The following ATP11A variants were observed in gnomAD, a reference collection of about 807,000 sequenced individuals.
The protein encoded by ATP11A is ATPase phospholipid transporting 11A.
ATP11A carries 81 observed loss-of-function variants against 154.4 expected under a neutral mutation model. The observed-to-expected ratio is 0.52, with a 90% CI of 0.44 to 0.63. The LOEUF (loss-of-function observed/expected upper bound fraction) is 0.63. Among genes scored for constraint, ATP11A ranks in the 30% least tolerant of loss-of-function variants. ATP11A has a pLI of 0.00. For synonymous variants in ATP11A, 623 were observed against 585.9 expected (o/e 1.06, Z -0.91); for missense variants, 1,316 against 1,474.3 (o/e 0.89, Z 1.76).
intron 1 of ATP11A, among the ~76,000 whole-genome samples, chr13:112,784,616 G>C (rs1477887668): frequency 6.6e-6 from 1 of 150,602 alleles, no homozygotes; most frequent in South Asian, 2.1e-4. Flanking sequence ...TCCACCTCCC[G>C]GGTTCACGCC....
At position 112,779,136 on chromosome 13, in the gene ATP11A, G is replaced by A. The variant is rs530995452; in HGVS notation, c.40-5999G>A. On this transcript the variant is annotated intron_variant, in intron 1 of 29. Coordinates refer to ENST00000375645, the MANE Select transcript of ATP11A (RefSeq NM_015205.3). ...GCCACTGGAGTGAGTAGCCGCTGGAGTGAGTAGCCGCTGGAGTGAGGAGTA... is the reference window on the plus strand; with the variant it reads ...GCCACTGGAGTGAGTAGCCGCTGGAATGAGTAGCCGCTGGAGTGAGGAGTA... 1.4e-4 allele frequency among the ~76,000 whole-genome samples: 17 copies of A among 123,304 alleles called. No homozygotes were observed. The South Asian group carries it at 4.8e-3, about 35-fold the overall frequency. The allele number at this position is 123,304 out of a possible 152,430, so 80.9% of individuals were successfully genotyped here.
chr13:112,871,862 C>T, intron 26 of ATP11A, 62 bp downstream of exon 26: 2 of 1,491,386 alleles, frequency 1.3e-6, no homozygotes, highest in Non-Finnish European at 1.9e-6. Flanking sequence ...GTGTAGGCCT[C>T]ACGCGCTCTG....
In ATP11A at chr13:112,825,588, G is replaced by C; in HGVS notation, c.1023+8G>C. 1 of 1,610,618 alleles carries C rather than the reference G, an allele frequency of 6.2e-7. No homozygotes were observed. The highest frequency in any genetic ancestry group is 8.5e-7 in the Non-Finnish European group (1 of 1,178,678). ...GAAAGGCAGAGGAATCTGGTATGGA[G>C]AATCACTGCCCTTGTATGATCCGAG... On this transcript the variant is annotated splice_region_variant and intron_variant, in intron 11 of 29. Transcript: ENST00000375645.
At chr13:112,831,986 GCA>G (rs766313733) in intron 13 of ATP11A, among the ~76,000 whole-genome samples, 21 of 150,196 alleles carry the variant, frequency 1.4e-4, no homozygotes, top group African/African-American at 3.2e-4. Flanking sequence ...GACACCGTGT[GCA>G]CACACAGACA....
At chr13:112,879,094 G>A (rs912585673) in intron 29 of ATP11A, among the ~76,000 whole-genome samples, 1 of 152,224 alleles carries the variant, frequency 6.6e-6, no homozygotes. Context: ...TCCTGAAGTC[G>A]CGTTCTGTCT....
chr13:112,871,803 A>G lies in ATP11A; in HGVS notation c.3057+3A>G. 6.2e-7 allele frequency: 1 copy of G among 1,613,956 alleles called. No homozygotes were observed. Among genetic ancestry groups the G allele is most frequent in the East Asian group, 2.2e-5 (1 of 44,878 alleles). ...TGGTGTTCACAGTTACACTAAAGGT[A>G]AGTGGTCTCGCGCTCACGTTCCTCC... is the stretch of plus-strand genomic sequence containing the variant. On this transcript the variant is annotated splice_donor_region_variant and intron_variant, in intron 26 of 29. Transcript: ENST00000375645.
intron 12 of ATP11A, among the ~76,000 whole-genome samples, chr13:112,827,367 C>T (rs1355132023): frequency 6.6e-6 from 1 of 152,254 alleles, no homozygotes; most frequent in African/African-American, 2.4e-5. Context: ...CGCCACACCT[C>T]GAGTGTCTCA....
intron 17 of ATP11A, among the ~76,000 whole-genome samples, chr13:112,844,090 A>G (rs1566561508): frequency 6.6e-6 from 1 of 152,170 alleles, no homozygotes; most frequent in Non-Finnish European, 1.5e-5. Context: ...GGGCAGCTCC[A>G]TCTGCAGCTC....
chr13:112,775,303 C>T (rs941186565), intron 1 of ATP11A, among the ~76,000 whole-genome samples: 3 of 152,222 alleles, frequency 2.0e-5, no homozygotes, highest in African/African-American at 4.8e-5. Flanking sequence ...CTGAAGGGCT[C>T]GTTATCCGAC....
chr13:112,774,634 C>T (rs2077302604), intron 1 of ATP11A, among the ~76,000 whole-genome samples: 2 of 152,242 alleles, frequency 1.3e-5, no homozygotes, highest in African/African-American at 2.4e-5. Flanking sequence ...AGAACCAGAG[C>T]GGTTGCAAGA....
At chr13:112,775,911 C>T (rs2077337323) in intron 1 of ATP11A, among the ~76,000 whole-genome samples, 1 of 152,196 alleles carries the variant, frequency 6.6e-6, no homozygotes, top group Non-Finnish European at 1.5e-5. Context: ...AGCAAGTACG[C>T]CCCCGTCCCC....
chr13:112,858,433 G>A (rs894776087), intron 22 of ATP11A, 143 bp downstream of exon 22: 5 of 849,840 alleles, frequency 5.9e-6, no homozygotes, highest in Non-Finnish European at 8.6e-6. Context: ...GGGTGAATCT[G>A]ATTGCAGTCA....
chr13:112,768,208 A>G (rs2077142442), intron 1 of ATP11A, among the ~76,000 whole-genome samples: 1 of 152,178 alleles, frequency 6.6e-6, no homozygotes, highest in Non-Finnish European at 1.5e-5. Flanking sequence ...CGGCCCTGTG[A>G]TGAGCTACAT....
At chr13:112,810,580 C>A in intron 4 of ATP11A, 39 bp from the exon 5 acceptor site, 1 of 1,548,822 alleles carries the variant, frequency 6.5e-7, no homozygotes, top group Non-Finnish European at 8.9e-7. Flanking sequence ...TTCCCTCTCT[C>A]CCTGCTTCCT....
chr13:112,750,817 C>G (rs144198265), intron 1 of ATP11A, among the ~76,000 whole-genome samples: 4 of 152,344 alleles, frequency 2.6e-5, no homozygotes, highest in Middle Eastern at 3.4e-3. Flanking sequence ...TTCTGGGTCA[C>G]GTAGCTTCCC....
At chr13:112,789,551 A>G (rs1209457505) in intron 2 of ATP11A, among the ~76,000 whole-genome samples, 2 of 137,598 alleles carry the variant, frequency 1.5e-5, no homozygotes, top group African/African-American at 2.8e-5. Context: ...TGATGCGTAG[A>G]CTCCTGTGGA....
In ATP11A at chr13:112,697,480, G is replaced by A. The variant is rs150123623; in HGVS notation, c.39+7025G>A. Among the ~76,000 whole-genome samples, 457 of 152,284 alleles carry A rather than the reference G, an allele frequency of 3.0e-3. 1 individual carries two copies. The highest frequency in any genetic ancestry group is 0.01 in the African/African-American group (422 of 41,568). ...GGCAATTCGGAAGGGAATTCAGGGA[G>A]AGCAGCCGCAGTGCCCTGTCCCCAG... is the stretch of plus-strand genomic sequence containing the variant. On this transcript the variant is annotated intron_variant, in intron 1 of 29. Coordinates refer to ENST00000375645, the MANE Select transcript of ATP11A (RefSeq NM_015205.3). The surrounding 1 kb of genome is among the most constrained non-coding windows in gnomAD (Gnocchi z 4.0).
intron 25 of ATP11A, among the ~76,000 whole-genome samples, chr13:112,870,471 C>T (rs1413462396): frequency 6.6e-6 from 1 of 152,186 alleles, no homozygotes; most frequent in Non-Finnish European, 1.5e-5. Context: ...CTCCGCCTCC[C>T]GGGCTCAAGC....
chr13:112,698,519 G>A (rs1886140833), intron 1 of ATP11A, among the ~76,000 whole-genome samples: 1 of 152,176 alleles, frequency 6.6e-6, no homozygotes, highest in Non-Finnish European at 1.5e-5. Context: ...TCCTGAGAAG[G>A]AAGCCCTGGC....
Sources: gnomAD v4.1 joint callset for allele counts (sites outside exome capture counted in the v4.1 genomes callset) on GRCh38, gnomAD v4.1.1 for gene constraint, Gnocchi (gnomAD v3.1) non-coding constraint, MANE v1.5 for transcripts, NCBI Gene and HGNC (gene_info 2026-07-23, HGNC 2026-07-21) for gene names.